The following MTREX variants were observed in gnomAD, a reference collection of about 807,000 sequenced individuals.
The protein encoded by MTREX is Mtr4 exosome RNA helicase, also known as exosome RNA helicase MTR4.
Under a neutral mutation model 135.4 loss-of-function variants are expected in MTREX, and 76 were observed. The ratio of observed to expected loss-of-function variants is 0.56; its 90% confidence interval spans 0.47 to 0.68. The LOEUF (loss-of-function observed/expected upper bound fraction) is 0.68. Ranked by LOEUF, MTREX falls within the 30% of genes least tolerant of loss-of-function variation. The pLI, the probability that MTREX is intolerant of heterozygous loss-of-function variation, is 0.00. For synonymous variants in MTREX, 404 were observed against 401.6 expected (o/e 1.01, Z -0.07); for missense variants, 920 against 1,262.1 (o/e 0.73, Z 4.11).
Position 55,370,820 on chromosome 5 carries a change from T to C in MTREX, c.1810+3945T>C, listed in dbSNP as rs1341026338. Among the ~76,000 whole-genome samples the C allele has an allele frequency of 2.0e-5, 3 of 152,212 alleles. No individual in the cohort carries two copies. In the East Asian group the frequency reaches 5.8e-4, roughly 29 times the overall value. ...ATACTTCTTTTGTTGCAGATACTAC[T>C]AGAGCCTTTTCAAGGCACTGGTATT... On this transcript the variant is annotated intron_variant, in intron 16 of 26. Transcript: ENST00000230640.
chr5:55,332,128 C>G (rs1316772710), intron 5 of MTREX, among the ~76,000 whole-genome samples: 1 of 152,140 alleles, frequency 6.6e-6, no homozygotes, highest in Non-Finnish European at 1.5e-5. Context: ...GGCAGAATCT[C>G]TAGCCCCACC....
chr5:55,353,673 AG>A (rs2112072441), intron 14 of MTREX, among the ~76,000 whole-genome samples: 1 of 152,298 alleles, frequency 6.6e-6, no homozygotes, highest in African/African-American at 2.4e-5. Flanking sequence ...ACTGTACTCG[AG>A]CCTTGAGGAC....
In MTREX at chr5:55,367,060, C is replaced by G. The variant is rs1750115236; in HGVS notation, c.1810+185C>G. ...ACATTTCAAAATGAAGGAAAGAAAACCCTGGCAGGAAACTTTTCTATAGTT... is the reference window on the plus strand; with the variant it reads ...ACATTTCAAAATGAAGGAAAGAAAAGCCTGGCAGGAAACTTTTCTATAGTT... On this transcript the variant is annotated intron_variant, in intron 16 of 26. Coordinates refer to ENST00000230640, the MANE Select transcript of MTREX (RefSeq NM_015360.5). 3.9e-5 allele frequency among the ~76,000 whole-genome samples: 6 copies of G among 152,252 alleles called. No homozygotes were observed. In the Middle Eastern group the frequency reaches 0.01, roughly 259 times the overall value.
At chr5:55,401,031 C>CGTGCGTGCGTG (rs1561209079) in intron 21 of MTREX, among the ~76,000 whole-genome samples, 1 of 152,042 alleles carries the variant, frequency 6.6e-6, no homozygotes. Flanking sequence ...GTGCGTGCGT[C>CGTGCGTGCGTG]CGTGCATGCG....
At chr5:55,399,742 C>T (rs1750695810) in intron 20 of MTREX, among the ~76,000 whole-genome samples, 1 of 152,182 alleles carries the variant, frequency 6.6e-6, no homozygotes, top group Non-Finnish European at 1.5e-5. Flanking sequence ...CCACCTCGGC[C>T]TCCCAAAGTG....
intron 15 of MTREX, among the ~76,000 whole-genome samples, chr5:55,360,566 A>G (rs62360499): frequency 0.22 from 33,351 of 152,132 alleles, 4,449 homozygotes; most frequent in Middle Eastern, 0.35. Flanking sequence ...TTACATTCCC[A>G]CAAGCATTAT....
At position 55,328,804 on chromosome 5, in the gene MTREX, T is replaced by C; in HGVS notation, c.508T>C (p.Cys170Arg). 1 of 1,587,886 alleles carries C rather than the reference T, an allele frequency of 6.3e-7. No individual in the cohort carries two copies. Among genetic ancestry groups the C allele is most frequent in the Non-Finnish European group, 8.6e-7 (1 of 1,159,228 alleles). Residue 170 changes from cysteine (C) to arginine (R), a missense_variant, in exon 5 of 27, where the codon TGC becomes CGC. Physicochemically the swap from Cys to Arg is radical, Grantham distance 180 (BLOSUM62 -3). Around this residue, in one of 6 missense-constraint regions of MTREX, gnomAD observed 82 missense variants for 107.4 expected, o/e 0.76. Transcript: ENST00000230640. The stretch of plus-strand genomic sequence containing the variant: ...ACATACCTCAGCGGGAAAAACAGTA[T>C]GCGCCGAGTGAGTAGCTTCCTTTTT... ...SAHTSAGKTV[C>R]AEYAIALALR...
intron 11 of MTREX, among the ~76,000 whole-genome samples, chr5:55,348,099 ATGAAAGGCAGAAATTTATTTCTTATAGTT>A (rs1201628726): frequency 6.6e-6 from 1 of 152,170 alleles, no homozygotes. Flanking sequence ...TAGGTAATTT[ATGAAAGGCAGAAATTTATTTCTTATAGTT>A]TGAGAGGCTG....
chr5:55,377,130 C>G (rs545241491), intron 16 of MTREX, among the ~76,000 whole-genome samples: 1 of 152,090 alleles, frequency 6.6e-6, no homozygotes, highest in African/African-American at 2.4e-5. Flanking sequence ...GAGATCGAGA[C>G]CATCCTGGCT....
At chr5:55,348,912 C>G (rs1032581815) in intron 11 of MTREX, among the ~76,000 whole-genome samples, 4 of 152,162 alleles carry the variant, frequency 2.6e-5, no homozygotes, top group Non-Finnish European at 5.9e-5. Context: ...AATAGTGGTG[C>G]TAATTATTAA....
At chr5:55,367,448 T>C (rs1750123235) in intron 16 of MTREX, among the ~76,000 whole-genome samples, 1 of 148,102 alleles carries the variant, frequency 6.8e-6, no homozygotes, top group African/African-American at 2.5e-5. Context: ...ATTGCACCAC[T>C]GCACTCCAGC....
chr5:55,349,594 A>T lies in MTREX; in HGVS notation c.1262A>T (p.Glu421Val). The change falls in exon 12 of 27, where the codon GAA (glutamate) becomes GTA (valine). Residue 421 changes from glutamate (E) to valine (V), a missense_variant. Glu to Val is a moderately radical substitution (Grantham distance 121, BLOSUM62 -2). Transcript: ENST00000230640. ...CTAGATGAAGAAAAGAAGATGGTTG[A>T]AGAAGTATTCAGTAATGCAATTGAT... ...FNTDEEKKMV[E>V]EVFSNAIDCL... 1 of 1,601,650 alleles carries T rather than the reference A, an allele frequency of 6.2e-7. No homozygotes were observed. Among genetic ancestry groups the T allele is most frequent in the Non-Finnish European group, 8.6e-7 (1 of 1,169,196 alleles).
At chr5:55,332,931 TATTA>T (rs2112045543) in intron 5 of MTREX, among the ~76,000 whole-genome samples, 1 of 152,238 alleles carries the variant, frequency 6.6e-6, no homozygotes, top group African/African-American at 2.4e-5. Context: ...GTCATTGTGT[TATTA>T]ATTCCTAATT....
intron 2 of MTREX, among the ~76,000 whole-genome samples, chr5:55,323,762 GTTTAC>G (rs1193152258): frequency 6.6e-6 from 1 of 152,138 alleles, no homozygotes; most frequent in Non-Finnish European, 1.5e-5. Flanking sequence ...AATTGGGCTA[GTTTAC>G]TTTATACTTT....
intron 4 of MTREX, 69 bp downstream of exon 4, chr5:55,327,847 A>G (rs1579851116): frequency 8.4e-7 from 1 of 1,184,660 alleles, no homozygotes. Context: ...TTCTTATTTC[A>G]AATGAGATTT....
In MTREX at chr5:55,387,974, C is replaced by G; in HGVS notation, c.2053C>G (p.Pro685Ala). ...VNFSKKSNVK[P>A]NSGELDPLYV... is the part of the protein sequence containing the mutation. Reference sequence around the variant, plus strand: ...GAACATCTTCTGTTTTGTTTTTTAGCCTAACTCTGGTGAACTGGATCCTTT... The same window carrying G: ...GAACATCTTCTGTTTTGTTTTTTAGGCTAACTCTGGTGAACTGGATCCTTT... Residue 685 changes from proline to alanine, a missense_variant and splice_region_variant, in exon 19 of 27, where the codon CCT becomes GCT. Coordinates refer to ENST00000230640, the MANE Select transcript of MTREX (RefSeq NM_015360.5). 1 of 1,578,688 alleles carries G rather than the reference C, an allele frequency of 6.3e-7. No homozygotes were observed. The highest frequency in any genetic ancestry group is 1.2e-5 in the South Asian group (1 of 86,950).
Position 55,397,501 on chromosome 5 carries a change from G to A in MTREX, c.2267G>A (p.Arg756Lys). ...IPKDLRPVDN[R>K]QSVLKSIQEV... ...AAAGACCTTCGGCCGGTGGACAATA[G>A]ACAGAGTGTTTTAAAATCAATACAG... Residue 756 changes from arginine (R) to lysine (K), a missense_variant, in exon 20 of 27, where the codon AGA becomes AAA. Physicochemically the swap from Arg to Lys is conservative, Grantham distance 26. This residue lies in a region of MTREX where 467 missense variants were observed against 589.7 expected (regional missense o/e 0.79). Coordinates refer to ENST00000230640, the MANE Select transcript of MTREX (RefSeq NM_015360.5). The A allele has an allele frequency of 1.9e-6, 3 of 1,607,028 alleles. No homozygotes were observed. The highest frequency in any genetic ancestry group is 2.6e-6 in the Non-Finnish European group (3 of 1,174,710).
intron 1 of MTREX, among the ~76,000 whole-genome samples, chr5:55,319,728 G>C (rs10036833): frequency 6.6e-6 from 1 of 152,000 alleles, no homozygotes; most frequent in Non-Finnish European, 1.5e-5. Context: ...CACATGTGAC[G>C]TACATACCAA....
intron 22 of MTREX, among the ~76,000 whole-genome samples, chr5:55,409,681 TAAAAG>T (rs991364892): frequency 5.4e-4 from 83 of 152,294 alleles, no homozygotes; most frequent in African/African-American, 1.9e-3. Context: ...AGCTAGAACT[TAAAAG>T]AGATGTAAAT....
Sources: allele counts gnomAD v4.1 joint callset (sites outside exome capture counted in the v4.1 genomes callset), GRCh38; gene constraint gnomAD v4.1.1; regional missense constraint gnomAD v4.1.1; transcripts MANE v1.5; gene names NCBI Gene and HGNC (gene_info 2026-07-23, HGNC 2026-07-21).